KMT2E: variants seen among roughly 807,000 people sequenced by gnomAD.
The protein encoded by KMT2E is histone reader KMT2E.
In KMT2E, 30 loss-of-function variants were observed where a neutral mutation model predicts 184.6. The ratio of observed to expected loss-of-function variants is 0.16; its 90% CI spans 0.12 to 0.22. The LOEUF (loss-of-function observed/expected upper bound fraction) is 0.22, where lower values mean the gene tolerates loss of function less well. KMT2E is among the 10% of genes least tolerant of loss of function. The probability of loss-of-function intolerance (pLI) is 1.00; values close to 1 mark genes in which losing one functional copy is unlikely to be tolerated. For synonymous variants in KMT2E, 815 were observed against 776.5 expected (o/e 1.05, Z -0.82); for missense variants, 2,023 against 2,237.4 (o/e 0.90, Z 1.93).
intron 15 of KMT2E, among the ~76,000 whole-genome samples, chr7:105,098,386 C>T (rs12532456): frequency 0.19 from 28,405 of 151,756 alleles, 3,384 homozygotes; most frequent in East Asian, 0.58. Context: ...ACTACAGGTG[C>T]ATGCTACCAT....
intron 22 of KMT2E, chr7:105,108,425 T>C: frequency 3.0e-6 from 1 of 332,702 alleles, no homozygotes; most frequent in Non-Finnish European, 6.0e-6. Flanking sequence ...TTGGCAGACA[T>C]ACTGAGATAA....
chr7:105,115,003 A>AAAT lies in KMT2E; in HGVS notation c.*1672_*1674dup, dbSNP rs1584826852. ...TAAAGGTAACTAGCATGTGAAATAA[A>AAAT]AATATTCTTCTTAAAAGGTTTGTCC... On this transcript the variant is annotated 3_prime_UTR_variant, in exon 27 of 27. Transcript: ENST00000311117. 6.6e-6 allele frequency among the ~76,000 whole-genome samples: 1 copy of AAAT among 152,242 alleles called. No individual in the cohort carries two copies. The highest frequency in any genetic ancestry group is 6.5e-5 in the Admixed American group (1 of 15,290).
At chr7:105,106,117 G>T (rs117548510) in intron 19 of KMT2E, 114 bp downstream of exon 19, 13,988 of 1,073,552 alleles carry the variant, frequency 0.013, 155 homozygotes, top group East Asian at 0.042. Flanking sequence ...AAGCACATTG[G>T]TGTATAGATT....
rs373929840 is a variant in KMT2E at position 105,078,977 on chromosome 7, A to C, written c.1248+14A>C. On this transcript the variant is annotated intron_variant, in intron 12 of 26. Transcript: ENST00000311117. Reference sequence around the variant, plus strand: ...CCCAATGCAGAGGTAAGCTTATAGAAATTTTTTGGGGAGATGTGGGTGCTG... The same window carrying C: ...CCCAATGCAGAGGTAAGCTTATAGACATTTTTTGGGGAGATGTGGGTGCTG... The C allele has an allele frequency of 3.9e-5, 58 of 1,492,760 alleles. No individual in the cohort carries two copies. The highest frequency in any genetic ancestry group is 1.6e-4 in the South Asian group (14 of 88,460). 92.5% of individuals were successfully genotyped at this position (1,492,760 alleles called of 1,614,324 possible).
intron 12 of KMT2E, among the ~76,000 whole-genome samples, chr7:105,081,061 T>C (rs950033691): frequency 1.3e-5 from 2 of 151,576 alleles, no homozygotes; most frequent in South Asian, 4.2e-4. Context: ...AGACTCCTGA[T>C]TTCAGAGATG....
At position 105,057,200 on chromosome 7, in the gene KMT2E, A is replaced by G. The variant is rs142018428; in HGVS notation, c.72-4964A>G. Among the ~76,000 whole-genome samples, 8 of 152,296 alleles carry G rather than the reference A, an allele frequency of 5.3e-5. No homozygotes were observed. The East Asian group carries it at 1.5e-3, about 29-fold the overall frequency. On this transcript the variant is annotated intron_variant, in intron 3 of 26. Transcript: ENST00000311117. ...AAATAGGGGTTTAGAAATGCCCAGG[A>G]CATCTTTGTGAGTGGGAGGAAAAGC...
At position 105,110,322 on chromosome 7, in the gene KMT2E, T is replaced by C. The variant is rs141577105; in HGVS notation, c.3798T>C (p.Tyr1266=). The change falls in exon 24 of 27, where the codon TAT becomes TAC. Residue 1266 remains tyrosine, a synonymous_variant. Coordinates refer to ENST00000311117, the MANE Select transcript of KMT2E (RefSeq NM_182931.3). ...TSVEQVRERS[Y]QRALLLSDHR... ...TGGAACAAGTCAGAGAAAGGAGTTA[T>C]CAGAGAGCTTTACTTCTCAGTGATC... The C allele has an allele frequency of 8.3e-5, 134 of 1,614,212 alleles. No individual in the cohort carries two copies. In the African/African-American group the frequency reaches 1.4e-3, roughly 17 times the overall value.
chr7:105,089,200 T>C (rs1026204382), intron 13 of KMT2E: 17 of 401,766 alleles, frequency 4.2e-5, no homozygotes, highest in African/African-American at 3.2e-4. Flanking sequence ...AATCCTAAAC[T>C]TTTTTTGTTT....
intron 3 of KMT2E, among the ~76,000 whole-genome samples, chr7:105,050,697 CTCTT>C (rs1443575152): frequency 8.2e-6 from 1 of 121,494 alleles, no homozygotes; most frequent in Non-Finnish European, 1.7e-5. Context: ...TTCTCTTTCT[CTCTT>C]TCTCTCTCTT....
chr7:105,055,186 CTGTG>C (rs10562263), intron 3 of KMT2E, among the ~76,000 whole-genome samples: 39,390 of 145,842 alleles, frequency 0.27, 7,777 homozygotes, highest in East Asian at 0.64. Flanking sequence ...ATTAGTGGCT[CTGTG>C]TGTGTGGTTT....
At chr7:105,089,607 T>C (rs1798119454) in intron 13 of KMT2E, among the ~76,000 whole-genome samples, 1 of 152,202 alleles carries the variant, frequency 6.6e-6, no homozygotes, top group Admixed American at 6.5e-5. Flanking sequence ...TTAGTAAATA[T>C]ATTATATAAA....
At chr7:105,058,141 A>G (rs575380959) in intron 3 of KMT2E, among the ~76,000 whole-genome samples, 1 of 152,158 alleles carries the variant, frequency 6.6e-6, no homozygotes, top group Non-Finnish European at 1.5e-5. Context: ...GTGTCATGTA[A>G]TATTCTACTT....
In KMT2E at chr7:105,046,174, C is replaced by T. The variant is rs144723195; in HGVS notation, c.71+5151C>T. Among the ~76,000 whole-genome samples, 90 of 152,262 alleles carry T rather than the reference C, an allele frequency of 5.9e-4. 1 individual carries two copies. Among genetic ancestry groups the T allele is most frequent in the African/African-American group, 1.8e-3 (75 of 41,544 alleles). On this transcript the variant is annotated intron_variant, in intron 3 of 26. Transcript: ENST00000311117. ...TATACTAATTCTCTCTTCTTTCCCT[C>T]GTCCTCTCTAATAAATTCACACCAA...
intron 7 of KMT2E, among the ~76,000 whole-genome samples, chr7:105,074,111 C>T (rs1797437318): frequency 6.6e-6 from 1 of 151,990 alleles, no homozygotes; most frequent in Admixed American, 6.6e-5. Flanking sequence ...ATGTTGATAC[C>T]AGTACTCCTG....
At chr7:105,014,587 A>G (rs1454096758) in intron 1 of KMT2E, 52 bp downstream of exon 1, 1 of 151,068 alleles carries the variant, frequency 6.6e-6, no homozygotes, top group African/African-American at 2.4e-5. Context: ...GGGTTGGGGT[A>G]CTTGTGTTTC....
chr7:105,027,486 G>A (rs1235206499), intron 1 of KMT2E, among the ~76,000 whole-genome samples: 2 of 152,104 alleles, frequency 1.3e-5, no homozygotes, highest in Non-Finnish European at 2.9e-5. Context: ...CAGAGATTGT[G>A]TGCTTTTTTT....
At chr7:105,036,526 A>G (rs564795088) in intron 1 of KMT2E, among the ~76,000 whole-genome samples, 2 of 152,196 alleles carry the variant, frequency 1.3e-5, no homozygotes, top group African/African-American at 4.8e-5. Flanking sequence ...TCAGACCACA[A>G]GGGTTCAGAT....
At chr7:105,046,073 T>C (rs950879856) in intron 3 of KMT2E, among the ~76,000 whole-genome samples, 1 of 152,172 alleles carries the variant, frequency 6.6e-6, no homozygotes, top group Non-Finnish European at 1.5e-5. Flanking sequence ...TCTCGTGGGC[T>C]CTACTCACAT....
At chr7:105,092,992 G>C (rs1178078848) in intron 15 of KMT2E, among the ~76,000 whole-genome samples, 1 of 152,090 alleles carries the variant, frequency 6.6e-6, no homozygotes, top group African/African-American at 2.4e-5. Flanking sequence ...CCAGGAGTTA[G>C]AGACCCACCA....
Sources: allele counts gnomAD v4.1 joint callset (sites outside exome capture counted in the v4.1 genomes callset), GRCh38; gene constraint gnomAD v4.1.1; transcripts MANE v1.5; gene names NCBI Gene and HGNC (gene_info 2026-07-23, HGNC 2026-07-21).